The following SLC5A11 variants were observed in gnomAD, a reference collection of about 807,000 sequenced individuals.
SLC5A11 encodes sodium/myo-inositol cotransporter 2.
In SLC5A11, 48 loss-of-function variants were observed where a neutral mutation model predicts 69.8. The ratio of observed to expected loss-of-function variants is 0.69; its 90% CI spans 0.55 to 0.87. The LOEUF is 0.87. Ranked by LOEUF, SLC5A11 falls within the 40% of genes least tolerant of loss-of-function variation. SLC5A11 has a pLI of 0.00. For synonymous variants in SLC5A11, 319 were observed against 342.4 expected (o/e 0.93, Z 0.75); for missense variants, 784 against 866.1 (o/e 0.91, Z 1.19).
chr16:24,910,889 C>T (rs2050466905), intron 15 of SLC5A11, among the ~76,000 whole-genome samples: 1 of 152,126 alleles, frequency 6.6e-6, no homozygotes, highest in Non-Finnish European at 1.5e-5. Flanking sequence ...GAGATTTTGG[C>T]CGGTCAGCAT....
chr16:24,893,441 T>A (rs950924351), intron 9 of SLC5A11, among the ~76,000 whole-genome samples: 5 of 152,062 alleles, frequency 3.3e-5, no homozygotes, highest in African/African-American at 4.8e-5. Flanking sequence ...AAAAGCCGTT[T>A]GTAAAAACCA....
intron 3 of SLC5A11, among the ~76,000 whole-genome samples, chr16:24,865,939 A>G (rs1457736841): frequency 2.0e-5 from 3 of 151,930 alleles, no homozygotes; most frequent in Non-Finnish European, 4.4e-5. Flanking sequence ...AGACAGTTGC[A>G]TAAATAGCAT....
chr16:24,868,492 G>A (rs1305719749), intron 3 of SLC5A11, among the ~76,000 whole-genome samples: 5 of 150,846 alleles, frequency 3.3e-5, no homozygotes, highest in Non-Finnish European at 7.4e-5. Flanking sequence ...CCAGCTACTC[G>A]GGAGGCTGAG....
At chr16:24,899,313 C>A (rs139361237) in intron 10 of SLC5A11, among the ~76,000 whole-genome samples, 1 of 152,320 alleles carries the variant, frequency 6.6e-6, no homozygotes, top group African/African-American at 2.4e-5. Flanking sequence ...GGTTCCAGAG[C>A]AGTTCTCTGA....
rs541184047 is a variant in SLC5A11 at position 24,894,754 on chromosome 16, C to A, written c.871-3220C>A. Reference sequence around the variant, plus strand: ...GGCGGAGCTTGCAGTGAACCCGGATCGCGCCACTGCACTCCAGCCTGGGTG... The same window carrying A: ...GGCGGAGCTTGCAGTGAACCCGGATAGCGCCACTGCACTCCAGCCTGGGTG... On this transcript the variant is annotated intron_variant, in intron 9 of 15. Transcript: ENST00000347898. 1.9e-3 allele frequency among the ~76,000 whole-genome samples: 295 copies of A among 151,684 alleles called. 1 individual carries two copies. The highest frequency in any genetic ancestry group is 6.8e-3 in the African/African-American group (280 of 41,324).
intron 3 of SLC5A11, among the ~76,000 whole-genome samples, chr16:24,867,390 C>A (rs2046982167): frequency 6.6e-6 from 1 of 152,110 alleles, no homozygotes; most frequent in Admixed American, 6.6e-5. Context: ...AGAAAACTTA[C>A]ACCACAATGC....
intron 8 of SLC5A11, among the ~76,000 whole-genome samples, chr16:24,886,467 T>C (rs980836555): frequency 3.3e-5 from 5 of 152,052 alleles, no homozygotes; most frequent in Admixed American, 2.6e-4. Context: ...TTTCTTTCTT[T>C]CTGTTTTTGC....
intron 7 of SLC5A11, among the ~76,000 whole-genome samples, chr16:24,878,706 T>C (rs998117957): frequency 3.3e-5 from 5 of 152,140 alleles, no homozygotes; most frequent in South Asian, 2.1e-4. Flanking sequence ...GAGGAACTTA[T>C]TGAGGATGGG....
intron 12 of SLC5A11, 80 bp from the exon 14 acceptor site, chr16:24,907,883 C>T: frequency 6.4e-7 from 1 of 1,570,058 alleles, no homozygotes; most frequent in Non-Finnish European, 8.7e-7. Flanking sequence ...AAGACCCTGT[C>T]TATTAAAAGA....
chr16:24,905,142 G>A (rs1046641586), intron 10 of SLC5A11, among the ~76,000 whole-genome samples: 5 of 151,974 alleles, frequency 3.3e-5, no homozygotes, highest in Admixed American at 3.3e-4. Context: ...GAAATTAAGA[G>A]AGAAGCAAAA....
intron 6 of SLC5A11, chr16:24,876,947 T>TG (rs1715290889): frequency 2.8e-6 from 1 of 353,072 alleles, no homozygotes; most frequent in African/African-American, 2.2e-5. Context: ...AGAGTTTGAG[T>TG]GGGGAGGAGA....
chr16:24,883,971 C>T (rs2048218086), intron 7 of SLC5A11, 80 bp from the exon 9 acceptor site: 3 of 1,349,878 alleles, frequency 2.2e-6, no homozygotes, highest in Non-Finnish European at 2.1e-6. Context: ...GGGTCCTGGC[C>T]TTCCAGGTTC....
intron 8 of SLC5A11, 86 bp downstream of exon 9, chr16:24,884,217 C>A (rs2152342255): frequency 7.5e-7 from 1 of 1,340,832 alleles, no homozygotes; most frequent in Non-Finnish European, 1.1e-6. Flanking sequence ...GAACGGCAAA[C>A]CTAGCTGTCA....
chr16:24,888,689 G>A lies in SLC5A11; in HGVS notation c.665-2180G>A, dbSNP rs1228781709. ...AGTAGAGATGGGGTTTCACCATGTT[G>A]GCCAGGCTGGTCTCAAACTCCTGAC... On this transcript the variant is annotated intron_variant, in intron 8 of 15. Transcript: ENST00000347898. Among the ~76,000 whole-genome samples the A allele has an allele frequency of 3.3e-5, 5 of 149,904 alleles. No homozygotes were observed. In the East Asian group the frequency reaches 9.8e-4, roughly 29 times the overall value.
intron 8 of SLC5A11, among the ~76,000 whole-genome samples, 168 bp from the exon 10 acceptor site, chr16:24,890,701 A>T (rs1169907858): frequency 2.6e-5 from 4 of 151,922 alleles, no homozygotes; most frequent in African/African-American, 7.3e-5. Flanking sequence ...TCTAATATTA[A>T]TTTTTTTAAG....
At chr16:24,866,635 G>A (rs2046937946) in intron 3 of SLC5A11, among the ~76,000 whole-genome samples, 1 of 149,788 alleles carries the variant, frequency 6.7e-6, no homozygotes, top group African/African-American at 2.4e-5. Context: ...GAAAAAGCCT[G>A]TTTAACCAAA....
Position 24,882,196 on chromosome 16 carries a change from G to GT in SLC5A11, c.584-1854dup, listed in dbSNP as rs372537626. ...CTGCATCCCTACCACGTAGAACTTGGTGGGGAGCTCACCGGCTATTTGGTG... is the reference window on the plus strand; with the variant it reads ...CTGCATCCCTACCACGTAGAACTTGGTTGGGGAGCTCACCGGCTATTTGGTG... On this transcript the variant is annotated intron_variant, in intron 7 of 15. Coordinates refer to ENST00000347898, the Ensembl canonical transcript of SLC5A11. 6.6e-4 allele frequency among the ~76,000 whole-genome samples: 100 copies of GT among 152,284 alleles called. 1 individual carries two copies. The highest frequency in any genetic ancestry group is 2.4e-3 in the African/African-American group (99 of 41,562).
chr16:24,850,958 C>CGTGGTGT (rs2059276703), intron 1 of SLC5A11, among the ~76,000 whole-genome samples: 1 of 151,220 alleles, frequency 6.6e-6, no homozygotes, highest in Non-Finnish European at 1.5e-5. Context: ...TTACAGGAGC[C>CGTGGTGT]CACCACCACG....
At chr16:24,884,323 CTGTTTT>C (rs979345415) in intron 8 of SLC5A11, among the ~76,000 whole-genome samples, 192 bp downstream of exon 9, 15 of 151,930 alleles carry the variant, frequency 9.9e-5, no homozygotes, top group African/African-American at 3.6e-4. Flanking sequence ...TGGAAACTTA[CTGTTTT>C]TGTTTTTGTT....
Sources: gnomAD v4.1 joint callset for allele counts (sites outside exome capture counted in the v4.1 genomes callset) on GRCh38, gnomAD v4.1.1 for gene constraint, MANE v1.5 for transcripts, NCBI Gene and HGNC (gene_info 2026-07-23, HGNC 2026-07-21) for gene names.